The following INTS6 variants were observed in gnomAD, a reference collection of about 807,000 sequenced individuals.
INTS6 encodes integrator complex subunit 6.
INTS6 carries 16 observed loss-of-function variants against 104.9 expected under a neutral mutation model. The ratio of observed to expected loss-of-function variants is 0.15; its 90% CI spans 0.10 to 0.23. The LOEUF (loss-of-function observed/expected upper bound fraction) is 0.23, where lower values mean the gene tolerates loss of function less well. INTS6 is among the 10% of genes least tolerant of loss of function. The probability of loss-of-function intolerance (pLI) is 1.00; values close to 1 mark genes in which losing one functional copy is unlikely to be tolerated. For synonymous variants in INTS6, 324 were observed against 358.7 expected (o/e 0.90, Z 1.09); for missense variants, 584 against 1,062.8 (o/e 0.55, Z 6.26).
chr13:51,365,165 T>A lies in INTS6; in HGVS notation c.*587A>T, dbSNP rs1955661281. Reference sequence around the variant, plus strand: ...AAAAAGCAAGGCCTTTAAAATTCCATTATCTTAGGATGTTTTTAAATGATT... The same window carrying A: ...AAAAAGCAAGGCCTTTAAAATTCCAATATCTTAGGATGTTTTTAAATGATT... On this transcript the variant is annotated 3_prime_UTR_variant, in exon 18 of 18. Transcript: ENST00000311234. 6.6e-6 allele frequency: 1 copy of A among 152,518 alleles called. No homozygotes were observed. The highest frequency in any genetic ancestry group is 1.5e-5 in the Non-Finnish European group (1 of 67,960). The allele number at this position is 152,518 out of a possible 1,614,324, so 9.4% of individuals were successfully genotyped here.
At chr13:51,429,788 A>AAAAAAAG (rs1957057600) in intron 4 of INTS6, among the ~76,000 whole-genome samples, 1 of 91,928 alleles carries the variant, frequency 1.1e-5, no homozygotes, top group African/African-American at 4.8e-5. Flanking sequence ...AAAAAAAAAT[A>AAAAAAAG]TATATATATA....
chr13:51,372,386 C>T (rs972098324), intron 15 of INTS6, among the ~76,000 whole-genome samples: 26 of 151,992 alleles, frequency 1.7e-4, no homozygotes, highest in South Asian at 1.2e-3. Context: ...ATTAAATTCT[C>T]CCCTATTTTC....
At chr13:51,436,427 C>T (rs759698254) in intron 3 of INTS6, 1 of 152,020 alleles carries the variant, frequency 6.6e-6, no homozygotes, top group African/African-American at 2.4e-5. Context: ...GACTGTGTTC[C>T]GATACAATTC....
intron 4 of INTS6, among the ~76,000 whole-genome samples, chr13:51,413,501 A>G (rs557876032): frequency 6.6e-6 from 1 of 152,302 alleles, no homozygotes; most frequent in African/African-American, 2.4e-5. Flanking sequence ...TCCCCATTGT[A>G]AAGATGAGAA....
chr13:51,391,257 T>G (rs1232385951), intron 5 of INTS6, among the ~76,000 whole-genome samples: 1 of 152,114 alleles, frequency 6.6e-6, no homozygotes, highest in Non-Finnish European at 1.5e-5. Flanking sequence ...TCCTAAGATG[T>G]CATTAAAAAG....
At chr13:51,347,293 G>A in the INTS6 span, 4 of 1,443,840 alleles carry the variant, frequency 2.8e-6, no homozygotes, top group Non-Finnish European at 2.9e-6. Flanking sequence ...CTGAGGGCAG[G>A]AGAGAGGAGG....
At chr13:51,337,068 C>A in the INTS6 span, among the ~76,000 whole-genome samples, 2 of 152,240 alleles carry the variant, frequency 1.3e-5, no homozygotes, top group Non-Finnish European at 2.9e-5. Context: ...TGCTGGGCTA[C>A]CTTGCATTGC....
intron 4 of INTS6, among the ~76,000 whole-genome samples, chr13:51,416,860 A>C (rs1427435841): frequency 6.6e-6 from 1 of 152,218 alleles, no homozygotes; most frequent in Non-Finnish European, 1.5e-5. Context: ...TGAAGGTTAC[A>C]GTTTCTCTAC....
At chr13:51,377,382 C>T (rs962053200) in intron 12 of INTS6, among the ~76,000 whole-genome samples, 4 of 152,164 alleles carry the variant, frequency 2.6e-5, no homozygotes, top group East Asian at 3.9e-4. Flanking sequence ...AATTTATCAA[C>T]ATTTTTGCTA....
intron 4 of INTS6, among the ~76,000 whole-genome samples, chr13:51,419,024 A>C (rs975763355): frequency 6.6e-6 from 1 of 152,204 alleles, no homozygotes; most frequent in Non-Finnish European, 1.5e-5. Context: ...AAATGGAATA[A>C]TGCTATATGA....
intron 4 of INTS6, among the ~76,000 whole-genome samples, chr13:51,428,241 G>A (rs1281816029): frequency 6.6e-6 from 1 of 151,556 alleles, no homozygotes; most frequent in Non-Finnish European, 1.5e-5. Context: ...AATATATAAA[G>A]TTGAATGAAG....
intron 4 of INTS6, among the ~76,000 whole-genome samples, chr13:51,397,549 C>T: frequency 6.6e-6 from 1 of 152,166 alleles, no homozygotes; most frequent in Non-Finnish European, 1.5e-5. Flanking sequence ...GAGCTCCAGG[C>T]CCTTGCTGCT....
rs1955588928 is a variant in INTS6 at position 51,362,054 on chromosome 13, G to T, written c.*3698C>A. The T allele has an allele frequency of 6.3e-7, 1 of 1,575,658 alleles. No homozygotes were observed. Among genetic ancestry groups the T allele is most frequent in the African/African-American group, 1.4e-5 (1 of 72,118 alleles). On this transcript the variant is annotated 3_prime_UTR_variant, in exon 18 of 18. Coordinates refer to ENST00000311234, the MANE Select transcript of INTS6 (RefSeq NM_012141.3). ...TTGCTATCTTCTATCCTAAGAAAGG[G>T]GACTATTTCGTAAGTACAAAGGAAA...
chr13:51,384,794 A>G (rs1956110651), intron 7 of INTS6: 4 of 427,004 alleles, frequency 9.4e-6, no homozygotes, highest in Non-Finnish European at 1.9e-5. Flanking sequence ...GCCTTCTGTC[A>G]ATACTAAACT....
chr13:51,373,980 G>A (rs1211427776), intron 15 of INTS6, among the ~76,000 whole-genome samples: 2 of 152,166 alleles, frequency 1.3e-5, no homozygotes, highest in Non-Finnish European at 2.9e-5. Flanking sequence ...ATTTGCAAAT[G>A]TATGTTAGAA....
chr13:51,406,295 C>A (rs1471735998), intron 4 of INTS6, among the ~76,000 whole-genome samples: 1 of 152,066 alleles, frequency 6.6e-6, no homozygotes, highest in African/African-American at 2.4e-5. Context: ...TCATGACACA[C>A]CCCCCTGAAT....
In INTS6 at chr13:51,373,220, A is replaced by C. The variant is rs148856615; in HGVS notation, c.2104+988T>G. On this transcript the variant is annotated intron_variant, in intron 15 of 17. Coordinates refer to ENST00000311234, the MANE Select transcript of INTS6 (RefSeq NM_012141.3). ...GTGTTTGGTTTTTTTTTTTTTGGGT[A>C]AGACAACTTCAAAGGCAGTATTGGA... Among the ~76,000 whole-genome samples the C allele has an allele frequency of 2.9e-3, 430 of 150,344 alleles. 3 individuals carry two copies. The highest frequency in any genetic ancestry group is 9.7e-3 in the African/African-American group (398 of 40,866).
chr13:51,353,490 C>T (rs1233507498), downstream of INTS6, among the ~76,000 whole-genome samples: 2 of 152,166 alleles, frequency 1.3e-5, no homozygotes, highest in African/African-American at 4.8e-5. Flanking sequence ...GGTAAAGTAA[C>T]TAGTTTGCAG....
chr13:51,420,277 C>T (rs1956870669), intron 4 of INTS6, among the ~76,000 whole-genome samples: 1 of 149,314 alleles, frequency 6.7e-6, no homozygotes, highest in East Asian at 2.0e-4. Context: ...AATGTGCATA[C>T]ACTGGGAATG....
Sources: allele counts gnomAD v4.1 joint callset (sites outside exome capture counted in the v4.1 genomes callset), GRCh38; gene constraint gnomAD v4.1.1; transcripts MANE v1.5; gene names NCBI Gene and HGNC (gene_info 2026-07-23, HGNC 2026-07-21).